SCO1: variants seen among roughly 807,000 people sequenced by gnomAD.
SCO1 encodes the protein synthesis of cytochrome C oxidase 1, also known as cytochrome c oxidase assembly factor SCO1.
Under a neutral mutation model 34.0 loss-of-function variants are expected in SCO1, and 23 were observed. That is an observed-to-expected ratio of 0.68 (90% CI 0.49 to 0.96). SCO1 has a LOEUF of 0.96. SCO1 is among the 40% of genes least tolerant of loss of function. The pLI, the probability that SCO1 is intolerant of heterozygous loss-of-function variation, is 0.00. For missense variants in SCO1, 404 were observed against 381.6 expected (o/e 1.06, Z -0.49); for synonymous variants, 161 against 145.5 (o/e 1.11, Z -0.77).
Position 10,680,414 on chromosome 17 carries a change from C to T in SCO1, c.*705G>A, listed in dbSNP as rs1451564440. 6.4e-6 allele frequency: 1 copy of T among 155,978 alleles called. No individual in the cohort carries two copies. The highest frequency in any genetic ancestry group is 1.4e-5 in the Non-Finnish European group (1 of 70,368). The allele number at this position is 155,978 out of a possible 1,614,324, so 9.7% of individuals were successfully genotyped here. A position where few individuals can be genotyped will look rare whatever the true frequency, so the allele number is the denominator to read the frequency against. ...GCAGAAAGGTACTCAGCATCACACT[C>T]GTGATCAATATCCTCTTATTTCCAT... is the stretch of plus-strand genomic sequence containing the variant. On this transcript the variant is annotated 3_prime_UTR_variant, in exon 6 of 6. Transcript: ENST00000255390.
chr17:10,692,982 T>C, intron 2 of SCO1, 21 bp from the exon 3 acceptor site: 1 of 1,611,022 alleles, frequency 6.2e-7, no homozygotes, highest in African/African-American at 1.3e-5. Context: ...CAAAAACATA[T>C]CGACACCAAA....
chr17:10,686,900 T>C, intron 4 of SCO1, 58 bp from the exon 5 acceptor site: 4 of 1,119,432 alleles, frequency 3.6e-6, no homozygotes, highest in South Asian at 1.2e-5. Context: ...CAACCATCTC[T>C]ACTTCAAAAA....
chr17:10,695,493 T>C (rs1006800432), intron 2 of SCO1: 2 of 444,492 alleles, frequency 4.5e-6, no homozygotes, highest in Non-Finnish European at 8.3e-6. Context: ...GAAATCCAAA[T>C]ACAATCTGTA....
At chr17:10,688,881 C>G (rs1194407993) in intron 4 of SCO1, among the ~76,000 whole-genome samples, 1 of 140,930 alleles carries the variant, frequency 7.1e-6, no homozygotes, top group Non-Finnish European at 1.5e-5. Context: ...CTTTGGGAGG[C>G]CGAGGCGGGC....
rs2074575366 is a variant in SCO1 at position 10,675,582 on chromosome 17, G to A, written c.*5537C>T. The A allele has an allele frequency of 6.6e-6, 1 of 152,146 alleles. No individual in the cohort carries two copies. Among genetic ancestry groups the A allele is most frequent in the Non-Finnish European group, 1.5e-5 (1 of 68,048 alleles). The allele number at this position is 152,146 out of a possible 1,614,324, so 9.4% of individuals were successfully genotyped here. ...GCTACTGAACATTTCAATGGCTCTG[G>A]AAGCTCTCCTGGCACCCCCTTCTGA... On this transcript the variant is annotated 3_prime_UTR_variant, in exon 6 of 6. Transcript: ENST00000255390.
intron 5 of SCO1, 29 bp downstream of exon 5, chr17:10,686,698 C>G (rs1433913820): frequency 7.3e-7 from 1 of 1,367,008 alleles, no homozygotes; most frequent in African/African-American, 1.4e-5. Flanking sequence ...GGAGCTGGTC[C>G]ATGGGTTAAA....
In SCO1 at chr17:10,686,783, T is replaced by C. The variant is rs1243548210; in HGVS notation, c.715A>G (p.Arg239Gly). 7.4e-6 allele frequency: 12 copies of C among 1,614,122 alleles called. No homozygotes were observed. The Middle Eastern group carries it at 6.6e-4, about 89-fold the overall frequency. ...GTREEVDQVA[R>G]AYRVYYSPGP... is the part of the protein sequence containing the mutation. ...GGGCTGTAATACACTCTGTATGCTC[T>C]GGCCACTTGATCGACCTCTTCTCTC... Residue 239 changes from arginine (R) to glycine (G), a missense_variant, in exon 5 of 6, where the codon AGA becomes GGA. Arg to Gly is a moderately radical substitution (Grantham distance 125). Transcript: ENST00000255390.
At chr17:10,687,894 C>T (rs1347067732) in intron 4 of SCO1, among the ~76,000 whole-genome samples, 1 of 152,016 alleles carries the variant, frequency 6.6e-6, no homozygotes, top group Non-Finnish European at 1.5e-5. Flanking sequence ...GTGATTTTTG[C>T]CAATATAACA....
rs1485042550 is a variant in SCO1 at position 10,697,334 on chromosome 17, A to G, written c.174T>C (p.Pro58=). The G allele has an allele frequency of 5.1e-6, 8 of 1,572,282 alleles. No homozygotes were observed. Among genetic ancestry groups the G allele is most frequent in the Non-Finnish European group, 6.0e-6 (7 of 1,159,428 alleles). ...QAEAWRASGR[P]GYCLGTRPLS... ...GGGGCCGGGTTCCCAGGCAATAGCC[A>G]GGGCGCCCCGAGGCACGCCACGCCT... The change falls in exon 1 of 6, where the codon CCT becomes CCC. Residue 58 remains proline (P), a synonymous_variant. Transcript: ENST00000255390.
At chr17:10,696,951 A>T (rs1470439436) in intron 1 of SCO1, among the ~76,000 whole-genome samples, 1 of 110,576 alleles carries the variant, frequency 9.0e-6, no homozygotes, top group Non-Finnish European at 1.8e-5. Flanking sequence ...CCTGAAACTT[A>T]ATTTTTTTTT....
chr17:10,681,647 T>A (rs2520194), intron 5 of SCO1, among the ~76,000 whole-genome samples: 1 of 152,126 alleles, frequency 6.6e-6, no homozygotes, highest in Non-Finnish European at 1.5e-5. Flanking sequence ...GAGTAAGATA[T>A]CTCCTCAGAC....
Position 10,697,387 on chromosome 17 carries a change from G to C in SCO1, c.121C>G (p.Leu41Val), listed in dbSNP as rs1466422937. The change falls in exon 1 of 6, where the codon CTG becomes GTG. Residue 41 changes from leucine to valine, a missense_variant. By Grantham distance (32) the Leu-to-Val change is conservative (BLOSUM62 1). Transcript: ENST00000255390. ...GPAEGTARVL[L>V]RQFCARQAEA... is the part of the protein sequence containing the mutation. ...GCTTGCCGCGCGCAGAACTGCCTCA[G>C]CAAGACTCTCGCAGTCCCCTCGGCT... 2 of 1,602,472 alleles carry C rather than the reference G, an allele frequency of 1.2e-6. No homozygotes were observed. Among genetic ancestry groups the C allele is most frequent in the Admixed American group, 3.4e-5 (2 of 58,704 alleles).
Position 10,680,543 on chromosome 17 carries a change from T to C in SCO1, c.*576A>G, listed in dbSNP as rs2074615104. 6.4e-6 allele frequency: 1 copy of C among 155,656 alleles called. No individual in the cohort carries two copies. 9.6% of individuals were successfully genotyped at this position (155,656 alleles called of 1,614,324 possible). On this transcript the variant is annotated 3_prime_UTR_variant, in exon 6 of 6. Transcript: ENST00000255390. ...TTTTTTTTCCCCCAAACAATAGATT[T>C]CCTCTTCATTAGTCAAATCTGATAG...
At position 10,676,994 on chromosome 17, in the gene SCO1, C is replaced by A. The variant is rs1018021288; in HGVS notation, c.*4125G>T. 1 of 152,166 alleles carries A rather than the reference C, an allele frequency of 6.6e-6. No homozygotes were observed. The highest frequency in any genetic ancestry group is 1.5e-5 in the Non-Finnish European group (1 of 68,030). The allele number at this position is 152,166 out of a possible 1,614,324, so 9.4% of individuals were successfully genotyped here. A position where few individuals can be genotyped will look rare whatever the true frequency, so the allele number is the denominator to read the frequency against. On this transcript the variant is annotated 3_prime_UTR_variant, in exon 6 of 6. Coordinates refer to ENST00000255390, the MANE Select transcript of SCO1 (RefSeq NM_004589.4). ...TCCATTTTGTTACACAGTAATATAA[C>A]CCCTAACTGGTAAGTAAAAAGCACA...
At chr17:10,691,101 C>T (rs146011490) in intron 4 of SCO1, among the ~76,000 whole-genome samples, 1 of 152,164 alleles carries the variant, frequency 6.6e-6, no homozygotes, top group Non-Finnish European at 1.5e-5. Flanking sequence ...AATTAAACAA[C>T]AGTTACTTTG....
chr17:10,689,109 C>A (rs1309861634), intron 4 of SCO1, among the ~76,000 whole-genome samples: 9 of 71,412 alleles, frequency 1.3e-4, no homozygotes, highest in Non-Finnish European at 4.9e-5. Flanking sequence ...GAGCGAGACT[C>A]CGTCTCAAAA....
rs777918132 is a variant in SCO1, at chr17:10,681,208, A to T, written c.817T>A (p.Phe273Ile). The change falls in exon 6 of 6, where the codon TTT becomes ATT. Residue 273 changes from phenylalanine to isoleucine, a missense_variant. By Grantham distance (21) the Phe-to-Ile change is conservative (BLOSUM62 0). Transcript: ENST00000255390. ...TTGTTCTGGCCAAAATAATCTAGAA[A>T]CTCACCATCTGGTCCAATCAAGTAC... The part of the protein sequence containing the change: ...IMYLIGPDGE[F>I]LDYFGQNKRK... 1.2e-6 allele frequency: 2 copies of T among 1,613,964 alleles called. No individual in the cohort carries two copies. Among genetic ancestry groups the T allele is most frequent in the Non-Finnish European group, 1.7e-6 (2 of 1,179,974 alleles).
chr17:10,691,371 T>C, intron 4 of SCO1, among the ~76,000 whole-genome samples: 1 of 151,758 alleles, frequency 6.6e-6, no homozygotes, highest in East Asian at 1.9e-4. Flanking sequence ...TCCACCCACT[T>C]TGGTCTCCCA....
chr17:10,691,789 A>T (rs2074691079), intron 4 of SCO1, 83 bp downstream of exon 4: 1 of 841,736 alleles, frequency 1.2e-6, no homozygotes, highest in Non-Finnish European at 2.0e-6. Flanking sequence ...GTCCTATTTC[A>T]CAAGGCACTG....
Sources: gnomAD v4.1 joint callset for allele counts (sites outside exome capture counted in the v4.1 genomes callset) on GRCh38, gnomAD v4.1.1 for gene constraint, MANE v1.5 for transcripts, NCBI Gene and HGNC (gene_info 2026-07-23, HGNC 2026-07-21) for gene names.